PRRG1: variants seen among roughly 807,000 people sequenced by gnomAD.
PRRG1 encodes transmembrane gamma-carboxyglutamic acid protein 1.
A neutral mutation model predicts 11.8 loss-of-function variants in PRRG1; 5 were observed. The observed-to-expected ratio is 0.42, with a 90% confidence interval of 0.22 to 0.89. The LOEUF is 0.89. PRRG1 is among the 40% of genes least tolerant of loss of function. The probability of loss-of-function intolerance (pLI) is 0.28; values close to 1 mark genes in which losing one functional copy is unlikely to be tolerated. For synonymous variants in PRRG1, 66 were observed against 60.4 expected, an observed-to-expected ratio of 1.09 and a Z score of -0.43; for missense variants, 155 against 166.1, an observed-to-expected ratio of 0.93 and a Z score of 0.37.
At position 37,453,611 on chromosome X, in the gene PRRG1, C is replaced by T; in HGVS notation, c.647C>T (p.Thr216Ile). 2 of 1,161,375 alleles carry T rather than the reference C, an allele frequency of 1.7e-6. No homozygotes were observed. Among genetic ancestry groups the T allele is most frequent in the Non-Finnish European group, 2.3e-6 (2 of 871,683 alleles). The part of the protein sequence containing the change: ...SAIPMVPVVT[T>I]IK ...ATTCCTATGGTGCCTGTGGTCACCA[C>T]CATCAAATGAAGCTGCAAACTTCTT... The change falls in exon 4 of 4, where the codon ACC becomes ATC. Residue 216 changes from threonine to isoleucine, a missense_variant. Coordinates refer to ENST00000378628, the MANE Select transcript of PRRG1 (RefSeq NM_001142395.2).
intron 1 of PRRG1, among the ~76,000 whole-genome samples, chrX:37,351,877 G>C (rs1383645765): frequency 8.9e-6 from 1 of 112,720 alleles, no homozygotes; most frequent in Admixed American, 9.3e-5. Flanking sequence ...GAAGGGTGAT[G>C]TAACTAAAGA....
At chrX:37,398,572 G>A (rs1014769715) in intron 1 of PRRG1, among the ~76,000 whole-genome samples, 7 of 112,256 alleles carry the variant, frequency 6.2e-5, no homozygotes, top group African/African-American at 1.9e-4. Flanking sequence ...AAAGCAGAGC[G>A]CCTTTCCTCC....
intron 1 of PRRG1, among the ~76,000 whole-genome samples, chrX:37,398,950 G>A (rs1432468204): frequency 2.7e-5 from 3 of 111,126 alleles, no homozygotes; most frequent in African/African-American, 6.6e-5. Context: ...AAAAAGAAAC[G>A]AACAAAGCCT....
chrX:37,373,997 A>C (rs1440961655), intron 1 of PRRG1, among the ~76,000 whole-genome samples: 3 of 111,683 alleles, frequency 2.7e-5, no homozygotes, highest in African/African-American at 9.7e-5. Flanking sequence ...GTTGAATTTT[A>C]TCAAATGCTT....
intron 3 of PRRG1, among the ~76,000 whole-genome samples, chrX:37,443,590 G>A (rs1250189822): frequency 9.0e-6 from 1 of 111,580 alleles, no homozygotes; most frequent in African/African-American, 3.3e-5. Flanking sequence ...GTTCCCACCT[G>A]ACCATTACCT....
intron 2 of PRRG1, among the ~76,000 whole-genome samples, chrX:37,415,796 C>G (rs1304615329): frequency 8.9e-6 from 1 of 111,746 alleles, no homozygotes; most frequent in Non-Finnish European, 1.9e-5. Context: ...TATTTAGGAT[C>G]TCCCACAATA....
At chrX:37,384,163 C>G (rs1263348147) in intron 1 of PRRG1, among the ~76,000 whole-genome samples, 2 of 111,468 alleles carry the variant, frequency 1.8e-5, no homozygotes, top group African/African-American at 3.3e-5. Flanking sequence ...ACCACACTTA[C>G]AAGTGATATA....
chrX:37,383,757 C>T (rs1298522498), intron 1 of PRRG1, among the ~76,000 whole-genome samples: 3 of 111,070 alleles, frequency 2.7e-5, no homozygotes, highest in Non-Finnish European at 5.7e-5. Context: ...ACCTGAACTT[C>T]TTATATGATC....
rs1389640047 is a variant in PRRG1, at chrX:37,456,712, G to A, written c.*3091G>A. 8.9e-6 allele frequency: 1 copy of A among 112,182 alleles called. No individual in the cohort carries two copies. The highest frequency in any genetic ancestry group is 3.2e-5 in the African/African-American group (1 of 30,871). 9.2% of individuals were successfully genotyped at this position (112,182 alleles called of 1,213,427 possible). ...AGCATTCGTTAAAATTAAGGGGTTT[G>A]TTTGGAATAATATATATTTTTTATG... On this transcript the variant is annotated 3_prime_UTR_variant, in exon 4 of 4. Coordinates refer to ENST00000378628, the MANE Select transcript of PRRG1 (RefSeq NM_001142395.2).
chrX:37,383,876 A>G (rs781894596), intron 1 of PRRG1, among the ~76,000 whole-genome samples: 2 of 111,180 alleles, frequency 1.8e-5, no homozygotes, highest in Admixed American at 9.6e-5. Context: ...TCACTTATAC[A>G]TGGTGTCCAT....
At chrX:37,399,091 G>A (rs1476241092) in intron 1 of PRRG1, among the ~76,000 whole-genome samples, 2 of 111,920 alleles carry the variant, frequency 1.8e-5, no homozygotes, top group Admixed American at 9.4e-5. Flanking sequence ...CACCAATCTA[G>A]CAAGGCAGGC....
intron 3 of PRRG1, among the ~76,000 whole-genome samples, chrX:37,433,847 C>T (rs1345956235): frequency 1.8e-5 from 2 of 112,388 alleles, no homozygotes; most frequent in East Asian, 2.8e-4. Context: ...ATATTTCCTT[C>T]TTTGTGCTTT....
At chrX:37,424,859 A>G (rs1185045447) in intron 2 of PRRG1, among the ~76,000 whole-genome samples, 11 of 111,557 alleles carry the variant, frequency 9.9e-5, no homozygotes, top group Non-Finnish European at 1.9e-4. Flanking sequence ...GCACATAAAA[A>G]GTTTTTCATT....
chrX:37,398,198 AC>A (rs1445476841), intron 1 of PRRG1, among the ~76,000 whole-genome samples: 2 of 110,601 alleles, frequency 1.8e-5, no homozygotes, highest in African/African-American at 6.6e-5. Flanking sequence ...CTGATCCCCG[AC>A]CCCCGAGCAG....
intron 3 of PRRG1, among the ~76,000 whole-genome samples, chrX:37,432,377 C>T (rs1556390692): frequency 8.9e-6 from 1 of 112,166 alleles, no homozygotes; most frequent in East Asian, 2.8e-4. Flanking sequence ...TGAGCCACTG[C>T]ACCCGGACCG....
chrX:37,408,190 C>T (rs1346671666), intron 2 of PRRG1, among the ~76,000 whole-genome samples: 1 of 111,676 alleles, frequency 9.0e-6, no homozygotes, highest in Non-Finnish European at 1.9e-5. Context: ...GGTCCTTAGT[C>T]TCATGTCGAG....
At chrX:37,424,097 G>A (rs901666657) in intron 2 of PRRG1, among the ~76,000 whole-genome samples, 7 of 111,282 alleles carry the variant, frequency 6.3e-5, no homozygotes, top group African/African-American at 1.3e-4. Flanking sequence ...TGATGAAATA[G>A]CCTAACAATG....
At chrX:37,415,803 A>AAGAAT in intron 2 of PRRG1, among the ~76,000 whole-genome samples, 1 of 111,858 alleles carries the variant, frequency 8.9e-6, no homozygotes, top group Non-Finnish European at 1.9e-5. Flanking sequence ...GATCTCCCAC[A>AAGAAT]ATATCTTAGA....
intron 1 of PRRG1, among the ~76,000 whole-genome samples, chrX:37,353,758 C>T (rs996591922): frequency 8.9e-6 from 1 of 112,250 alleles, no homozygotes; most frequent in Non-Finnish European, 1.9e-5. Flanking sequence ...ATAGGGTATA[C>T]CATATTGCTT....
Sources: gnomAD v4.1 joint callset for allele counts (sites outside exome capture counted in the v4.1 genomes callset) on GRCh38, gnomAD v4.1.1 for gene constraint, MANE v1.5 for transcripts, NCBI Gene and HGNC (gene_info 2026-07-23, HGNC 2026-07-21) for gene names.